DPP10: variants seen among roughly 807,000 people sequenced by gnomAD.
DPP10 encodes the protein dipeptidyl peptidase like 10.
In DPP10, 33 loss-of-function variants were observed where a neutral mutation model predicts 120.9. The ratio of observed to expected loss-of-function variants is 0.27; its 90% CI spans 0.21 to 0.37. The LOEUF (loss-of-function observed/expected upper bound fraction) is 0.37. DPP10 is among the 10% of genes least tolerant of loss of function. The probability of loss-of-function intolerance (pLI) is 1.00; values close to 1 mark genes in which losing one functional copy is unlikely to be tolerated. For synonymous variants in DPP10, 337 were observed against 326.1 expected (o/e 1.03, Z -0.36); for missense variants, 816 against 942.8 (o/e 0.87, Z 1.76).
chr2:115,167,031 TCA>T (rs543387273), intron 1 of DPP10, among the ~76,000 whole-genome samples: 45 of 152,302 alleles, frequency 3.0e-4, no homozygotes, highest in African/African-American at 1.0e-3. Context: ...GCACTGGAAG[TCA>T]CAGAGTCAAG....
chr2:115,367,536 C>G (rs546887072), intron 3 of DPP10, among the ~76,000 whole-genome samples: 1 of 151,974 alleles, frequency 6.6e-6, no homozygotes, highest in Non-Finnish European at 1.5e-5. Flanking sequence ...TACTTTTTTA[C>G]GTTTTAAAGC....
At chr2:114,812,306 A>C (rs1388041926) in intron 1 of DPP10, among the ~76,000 whole-genome samples, 2 of 152,074 alleles carry the variant, frequency 1.3e-5, no homozygotes, top group African/African-American at 4.8e-5. Context: ...TCTTTTACTC[A>C]AGAATTGTAA....
intron 1 of DPP10, among the ~76,000 whole-genome samples, chr2:114,466,581 G>A (rs1679399567): frequency 6.6e-6 from 1 of 152,116 alleles, no homozygotes; most frequent in Admixed American, 6.6e-5. Flanking sequence ...CTTTTGTGCT[G>A]AATAAGAAAA....
intron 1 of DPP10, among the ~76,000 whole-genome samples, chr2:114,819,361 C>G (rs1011382471): frequency 6.6e-6 from 1 of 152,138 alleles, no homozygotes; most frequent in Non-Finnish European, 1.5e-5. Flanking sequence ...CTCTGTGATC[C>G]TCAGTTTTCT....
intron 21 of DPP10, among the ~76,000 whole-genome samples, chr2:115,823,526 C>T (rs1487406537): frequency 6.6e-6 from 1 of 152,124 alleles, no homozygotes; most frequent in South Asian, 2.1e-4. Context: ...AACGAAAGGT[C>T]AAACAAAGTC....
At chr2:115,438,370 A>G (rs910595618) in intron 3 of DPP10, among the ~76,000 whole-genome samples, 1 of 152,278 alleles carries the variant, frequency 6.6e-6, no homozygotes, top group Non-Finnish European at 1.5e-5. Context: ...TGCCACTGCT[A>G]TGTATGCTAG....
At chr2:114,888,632 C>A (rs1692284428) in intron 1 of DPP10, among the ~76,000 whole-genome samples, 1 of 152,300 alleles carries the variant, frequency 6.6e-6, no homozygotes, top group Admixed American at 6.5e-5. Flanking sequence ...AAAGATGGAA[C>A]TCAAAGAACA....
At chr2:115,612,424 G>T (rs1311860726) in intron 5 of DPP10, among the ~76,000 whole-genome samples, 1 of 152,008 alleles carries the variant, frequency 6.6e-6, no homozygotes, top group African/African-American at 2.4e-5. Flanking sequence ...TTACAAATAT[G>T]GTTTGACTAA....
At chr2:115,378,281 T>C (rs2065975751) in intron 3 of DPP10, among the ~76,000 whole-genome samples, 1 of 150,766 alleles carries the variant, frequency 6.6e-6, no homozygotes, top group South Asian at 2.1e-4. Flanking sequence ...CCCTTGTAAG[T>C]TGGATTCCTA....
chr2:114,766,561 C>T (rs1158551629), intron 1 of DPP10, among the ~76,000 whole-genome samples: 1 of 151,088 alleles, frequency 6.6e-6, no homozygotes, highest in African/African-American at 2.4e-5. Flanking sequence ...TTAACAGGTT[C>T]CAATGCATTC....
intron 3 of DPP10, among the ~76,000 whole-genome samples, chr2:115,344,135 C>CAAAA (rs751004918): frequency 1.0e-4 from 5 of 49,266 alleles, no homozygotes; most frequent in Admixed American, 2.2e-4. Context: ...GACTCCATCT[C>CAAAA]AAAAAAAAAA....
intron 1 of DPP10, among the ~76,000 whole-genome samples, chr2:114,485,565 G>A (rs1681440026): frequency 8.4e-6 from 1 of 119,128 alleles, no homozygotes; most frequent in Non-Finnish European, 1.6e-5. Context: ...TTGCACTAGT[G>A]TTGTGCACTA....
chr2:115,758,929 T>G lies in DPP10; in HGVS notation c.1075-3643T>G, dbSNP rs149052141. Among the ~76,000 whole-genome samples, 32 of 152,256 alleles carry G rather than the reference T, an allele frequency of 2.1e-4. No homozygotes were observed. The East Asian group carries it at 6.2e-3, about 29-fold the overall frequency. ...ACTCATATCATATTCTAAAATCAAT[T>G]TGGGATAAATCATAGCCCTAAATTT... On this transcript the variant is annotated intron_variant, in intron 11 of 25. Coordinates refer to ENST00000410059, the MANE Select transcript of DPP10 (RefSeq NM_020868.6).
intron 3 of DPP10, among the ~76,000 whole-genome samples, chr2:115,365,748 T>C (rs1019410767): frequency 6.6e-6 from 1 of 152,076 alleles, no homozygotes; most frequent in African/African-American, 2.4e-5. Context: ...TAAAACATTT[T>C]AATGTTCAAT....
intron 7 of DPP10, among the ~76,000 whole-genome samples, chr2:115,710,195 A>G (rs1303878485): frequency 6.6e-6 from 1 of 152,136 alleles, no homozygotes; most frequent in Admixed American, 6.6e-5. Context: ...GAATAATATG[A>G]TAGGGGAACT....
chr2:115,007,874 G>A (rs144044809), intron 1 of DPP10, among the ~76,000 whole-genome samples: 6 of 150,674 alleles, frequency 4.0e-5, no homozygotes, highest in African/African-American at 1.5e-4. Context: ...TTACAAGGGA[G>A]GTGAAGGACC....
intron 1 of DPP10, among the ~76,000 whole-genome samples, chr2:114,542,856 T>C (rs899811700): frequency 2.0e-5 from 3 of 152,234 alleles, no homozygotes; most frequent in African/African-American, 7.2e-5. Context: ...GATTGGGATC[T>C]GCCTCTCATT....
chr2:115,049,038 A>T (rs886810403), intron 1 of DPP10, among the ~76,000 whole-genome samples: 3 of 152,134 alleles, frequency 2.0e-5, no homozygotes, highest in African/African-American at 7.2e-5. Flanking sequence ...AAATATTTTT[A>T]AATGAGTGAT....
intron 5 of DPP10, among the ~76,000 whole-genome samples, chr2:115,642,041 T>C (rs916333692): frequency 7.2e-5 from 11 of 152,138 alleles, no homozygotes; most frequent in Admixed American, 2.6e-4. Flanking sequence ...TTTCAAGTCA[T>C]AAGATTTTCA....
Sources: allele counts gnomAD v4.1 joint callset (sites outside exome capture counted in the v4.1 genomes callset), GRCh38; gene constraint gnomAD v4.1.1; transcripts MANE v1.5; gene names NCBI Gene and HGNC (gene_info 2026-07-23, HGNC 2026-07-21).